Variants in TMEM108 observed in about 807,000 individuals in gnomAD.
TMEM108 encodes transmembrane protein 108, also known as cancer/testis antigen 124.
In TMEM108, 12 loss-of-function variants were observed where a neutral mutation model predicts 35.1. The ratio of observed to expected loss-of-function variants is 0.34; its 90% CI spans 0.22 to 0.55. TMEM108 has a LOEUF of 0.55. Among genes scored for constraint, TMEM108 ranks in the 20% least tolerant of loss-of-function variants. The probability of loss-of-function intolerance (pLI) is 0.89; values close to 1 mark genes in which losing one functional copy is unlikely to be tolerated. For synonymous variants in TMEM108, 287 were observed against 308.6 expected, an observed-to-expected ratio of 0.93 and a Z score of 0.73; for missense variants, 680 against 753.3, an observed-to-expected ratio of 0.90 and a Z score of 1.14.
At chr3:133,275,272 CAT>C (rs1946823812) in intron 3 of TMEM108, among the ~76,000 whole-genome samples, 1 of 152,018 alleles carries the variant, frequency 6.6e-6, no homozygotes, top group Non-Finnish European at 1.5e-5. Flanking sequence ...ATAGGAATCA[CAT>C]ATGTAATTCT....
At chr3:133,257,081 G>A (rs1946558437) in intron 3 of TMEM108, 1 of 152,128 alleles carries the variant, frequency 6.6e-6, no homozygotes, top group Admixed American at 6.5e-5. Flanking sequence ...TTATTTCTTG[G>A]GTAGAGACGA....
chr3:133,111,638 A>G (rs563105958), intron 2 of TMEM108, among the ~76,000 whole-genome samples: 59 of 152,300 alleles, frequency 3.9e-4, no homozygotes, highest in African/African-American at 1.4e-3. Flanking sequence ...ATACTATATA[A>G]TATGCATCTT....
chr3:133,290,359 G>A (rs890857325), intron 3 of TMEM108, among the ~76,000 whole-genome samples: 2 of 152,056 alleles, frequency 1.3e-5, no homozygotes, highest in African/African-American at 4.8e-5. Flanking sequence ...AGTGACTTAC[G>A]CCTGTAATCC....
At chr3:133,343,734 A>G (rs922965979) in intron 3 of TMEM108, among the ~76,000 whole-genome samples, 1 of 151,914 alleles carries the variant, frequency 6.6e-6, no homozygotes, top group Non-Finnish European at 1.5e-5. Context: ...GTTAGGGTGT[A>G]TAAACTCTTA....
intron 3 of TMEM108, among the ~76,000 whole-genome samples, chr3:133,273,920 G>A (rs1946804934): frequency 6.6e-6 from 1 of 152,040 alleles, no homozygotes; most frequent in Non-Finnish European, 1.5e-5. Context: ...ATTCTTCAAG[G>A]GTTTTACATC....
chr3:133,375,514 C>T lies in TMEM108; in HGVS notation c.41-4238C>T, dbSNP rs545210638. Among the ~76,000 whole-genome samples the T allele has an allele frequency of 4.3e-4, 65 of 152,212 alleles. 2 individuals are homozygous for T. The highest frequency in any genetic ancestry group is 4.4e-5 in the Non-Finnish European group (3 of 68,046). ...ATAATATGCAAAGAGGCAGTAGCCT[C>T]AGATTGTGGGGAGGGGGAGTGTGTA... On this transcript the variant is annotated intron_variant, in intron 3 of 5. Transcript: ENST00000321871.
intron 2 of TMEM108, among the ~76,000 whole-genome samples, chr3:133,162,228 AAGG>A (rs1944971652): frequency 6.6e-6 from 1 of 152,092 alleles, no homozygotes; most frequent in Non-Finnish European, 1.5e-5. Flanking sequence ...CCCAGAATAG[AAGG>A]AGATCTCTAC....
intron 3 of TMEM108, among the ~76,000 whole-genome samples, chr3:133,302,528 T>A (rs927362261): frequency 6.0e-5 from 9 of 149,126 alleles, no homozygotes; most frequent in South Asian, 2.2e-4. Flanking sequence ...TTCACACCAT[T>A]CTCCTGCCTC....
At position 133,396,067 on chromosome 3, in the gene TMEM108, C is replaced by A. The variant is rs1024425604; in HGVS notation, c.*81C>A. 30 of 1,045,588 alleles carry A rather than the reference C, an allele frequency of 2.9e-5. No homozygotes were observed. The Middle Eastern group carries it at 1.1e-3, about 39-fold the overall frequency. The allele number at this position is 1,045,588 out of a possible 1,614,324, so 64.8% of individuals were successfully genotyped here. A position where few individuals can be genotyped will look rare whatever the true frequency, so the allele number is the denominator to read the frequency against. On this transcript the variant is annotated 3_prime_UTR_variant, in exon 6 of 6. Transcript: ENST00000321871. ...ACAAATACATATATTATAAATATAA[C>A]CTTTGTGTAACCCTGACTTAATGAG...
At chr3:133,273,991 A>G (rs116712815) in intron 3 of TMEM108, among the ~76,000 whole-genome samples, 2,554 of 152,332 alleles carry the variant, frequency 0.017, 69 homozygotes, top group African/African-American at 0.057. Flanking sequence ...ACTAATGAAG[A>G]AACTGTGGCT....
intron 3 of TMEM108, among the ~76,000 whole-genome samples, chr3:133,332,345 A>G (rs1299043630): frequency 1.3e-5 from 2 of 152,208 alleles, no homozygotes; most frequent in African/African-American, 4.8e-5. Context: ...TGCCACTGGA[A>G]CAGCCACTCC....
chr3:133,237,044 G>A (rs1946247543), intron 3 of TMEM108, among the ~76,000 whole-genome samples: 1 of 152,152 alleles, frequency 6.6e-6, no homozygotes, highest in African/African-American at 2.4e-5. Context: ...GTTTTAAACA[G>A]CATTGAGTAC....
chr3:133,352,276 C>G (rs1264085154), intron 3 of TMEM108, among the ~76,000 whole-genome samples: 2 of 152,136 alleles, frequency 1.3e-5, no homozygotes, highest in Non-Finnish European at 2.9e-5. Context: ...AACCCTTTTA[C>G]TAGATAGGAA....
intron 2 of TMEM108, among the ~76,000 whole-genome samples, chr3:133,102,977 A>G (rs1033146569): frequency 5.9e-5 from 9 of 152,190 alleles, no homozygotes; most frequent in Admixed American, 5.2e-4. Flanking sequence ...GGAACACTTA[A>G]ACACTGTTGG....
intron 1 of TMEM108, among the ~76,000 whole-genome samples, chr3:133,039,261 T>A (rs1943245106): frequency 6.6e-6 from 1 of 152,032 alleles, no homozygotes; most frequent in Non-Finnish European, 1.5e-5. Context: ...AAGATAGGGG[T>A]TTTTTTCGGA....
intron 2 of TMEM108, among the ~76,000 whole-genome samples, chr3:133,151,060 C>G (rs1353065115): frequency 2.0e-5 from 3 of 152,132 alleles, no homozygotes; most frequent in Non-Finnish European, 4.4e-5. Flanking sequence ...CTTCCAAGAA[C>G]CCTTTTTTAT....
At chr3:133,360,711 C>A (rs555717021) in intron 3 of TMEM108, among the ~76,000 whole-genome samples, 2 of 152,254 alleles carry the variant, frequency 1.3e-5, no homozygotes, top group East Asian at 3.9e-4. Context: ...TTTTCTGGAA[C>A]CTTGCCAATT....
chr3:133,299,470 C>T (rs776117449), intron 3 of TMEM108, among the ~76,000 whole-genome samples: 20 of 152,120 alleles, frequency 1.3e-4, no homozygotes, highest in Non-Finnish European at 2.5e-4. Flanking sequence ...GTTGTGAAGC[C>T]GTGTTTGCAT....
chr3:133,371,587 C>T (rs1198886014), intron 3 of TMEM108, among the ~76,000 whole-genome samples: 1 of 115,558 alleles, frequency 8.7e-6, no homozygotes, highest in East Asian at 2.7e-4. Context: ...AGTCAGGTAG[C>T]ATCACTGCAG....
Sources: allele counts gnomAD v4.1 joint callset (sites outside exome capture counted in the v4.1 genomes callset), GRCh38; gene constraint gnomAD v4.1.1; transcripts MANE v1.5; gene names NCBI Gene and HGNC (gene_info 2026-07-23, HGNC 2026-07-21).